BRD7: variants seen among roughly 807,000 people sequenced by gnomAD.
BRD7 encodes the protein bromodomain containing 7.
BRD7 carries 15 observed loss-of-function variants against 82.1 expected under a neutral mutation model. That is an observed-to-expected ratio of 0.18 (90% CI 0.12 to 0.28). The LOEUF (loss-of-function observed/expected upper bound fraction) is 0.28, where lower values mean the gene tolerates loss of function less well. Ranked by LOEUF, BRD7 falls within the 10% of genes least tolerant of loss-of-function variation. The pLI is 1.00. For missense variants in BRD7, 638 were observed against 779.9 expected (o/e 0.82, Z 2.17); for synonymous variants, 232 against 266.9 (o/e 0.87, Z 1.27).
rs1404012919 is a variant in BRD7, at chr16:50,325,937, A to G, written c.1196-54T>C. Reference sequence around the variant, plus strand: ...TATTCTTTAACTTGCATGTCAATCTATTTTGTTTTACCAAAAGATTATTTA... The same window carrying G: ...TATTCTTTAACTTGCATGTCAATCTGTTTTGTTTTACCAAAAGATTATTTA... On this transcript the variant is annotated intron_variant, in intron 10 of 16. Transcript: ENST00000394688. The G allele has an allele frequency of 2.7e-6, 4 of 1,501,126 alleles. No homozygotes were observed. In the Admixed American group the frequency reaches 9.3e-5, roughly 35 times the overall value. The allele number at this position is 1,501,126 out of a possible 1,614,324, so 93.0% of individuals were successfully genotyped here. A position where few individuals can be genotyped will look rare whatever the true frequency, so the allele number is the denominator to read the frequency against.
intron 2 of BRD7, among the ~76,000 whole-genome samples, chr16:50,360,146 C>T (rs1238456847): frequency 1.3e-5 from 2 of 152,176 alleles, no homozygotes; most frequent in African/African-American, 4.8e-5. Flanking sequence ...ACTGGAGCTC[C>T]CTCTGGACAG....
intron 5 of BRD7, among the ~76,000 whole-genome samples, chr16:50,341,967 C>CACACA (rs571195473): frequency 6.7e-6 from 1 of 149,206 alleles, no homozygotes; most frequent in South Asian, 2.1e-4. Context: ...CACACACACA[C>CACACA]ATTTTACTTC....
intron 2 of BRD7, among the ~76,000 whole-genome samples, chr16:50,367,106 G>A (rs959629918): frequency 1.3e-5 from 2 of 152,146 alleles, no homozygotes; most frequent in Non-Finnish European, 1.5e-5. Context: ...AGCTCCTCTT[G>A]TATATATAAA....
At chr16:50,367,507 G>A (rs1042947262) in intron 2 of BRD7, among the ~76,000 whole-genome samples, 10 of 152,148 alleles carry the variant, frequency 6.6e-5, no homozygotes, top group Admixed American at 3.3e-4. Context: ...TACAAGTGTG[G>A]GCTACTGGGC....
At chr16:50,356,252 G>A (rs997794236) in intron 2 of BRD7, among the ~76,000 whole-genome samples, 3 of 152,212 alleles carry the variant, frequency 2.0e-5, no homozygotes, top group Non-Finnish European at 1.5e-5. Context: ...AGCAAAGCTA[G>A]CAAAGCCTTT....
At chr16:50,326,168 CA>C in intron 10 of BRD7, 115 bp downstream of exon 10, 1 of 841,024 alleles carries the variant, frequency 1.2e-6, no homozygotes. Flanking sequence ...ATTAATGTTG[CA>C]AAAATACCAC....
At chr16:50,347,749 T>C (rs990707717) in intron 5 of BRD7, among the ~76,000 whole-genome samples, 1 of 152,036 alleles carries the variant, frequency 6.6e-6, no homozygotes, top group African/African-American at 2.4e-5. Flanking sequence ...CACTGCTCAA[T>C]GAAATAAAAG....
Position 50,320,433 on chromosome 16 carries a change from G to A in BRD7, c.1613-42C>T, listed in dbSNP as rs761103053. On this transcript the variant is annotated intron_variant, in intron 14 of 16. Coordinates refer to ENST00000394688, the MANE Select transcript of BRD7 (RefSeq NM_013263.5). ...CAGACACACTTCTGTTTGATCTTGT[G>A]CAGTAAACCGAATCCTAGGCTCTAG... 9.4e-6 allele frequency: 15 copies of A among 1,597,544 alleles called. No homozygotes were observed. In the African/African-American group the frequency reaches 1.8e-4, roughly 19 times the overall value.
At position 50,316,469 on chromosome 16, in the gene BRD7, G is replaced by A. The variant is rs2036804782; in HGVS notation, c.*2742C>T. ...GTATCTTACTTTTCTTACCAGAAAG[G>A]AATGGAGTCTGTTTAGAGACAACTT... On this transcript the variant is annotated 3_prime_UTR_variant, in exon 17 of 17. Coordinates refer to ENST00000394688, the MANE Select transcript of BRD7 (RefSeq NM_013263.5). 1 of 152,344 alleles carries A rather than the reference G, an allele frequency of 6.6e-6. No individual in the cohort carries two copies. The highest frequency in any genetic ancestry group is 2.4e-5 in the African/African-American group (1 of 41,442). 9.4% of individuals were successfully genotyped at this position (152,344 alleles called of 1,614,324 possible).
Position 50,320,229 on chromosome 16 carries a change from T to TA in BRD7, c.1756+18dup. 1 of 1,605,742 alleles carries TA rather than the reference T, an allele frequency of 6.2e-7. No homozygotes were observed. Among genetic ancestry groups the TA allele is most frequent in the Non-Finnish European group, 8.5e-7 (1 of 1,176,134 alleles). On this transcript the variant is annotated intron_variant, in intron 15 of 16. Coordinates refer to ENST00000394688, the MANE Select transcript of BRD7 (RefSeq NM_013263.5). ...TTGAAGCATCCCGTGACTCTCCTCTTATGGGAGGCAAAACATACCAAGATG... is the reference window on the plus strand; with the variant it reads ...TTGAAGCATCCCGTGACTCTCCTCTTAATGGGAGGCAAAACATACCAAGATG...
At chr16:50,325,174 A>C (rs2037284360) in intron 11 of BRD7, among the ~76,000 whole-genome samples, 1 of 152,234 alleles carries the variant, frequency 6.6e-6, no homozygotes, top group African/African-American at 2.4e-5. Flanking sequence ...GTCAGGATGG[A>C]TCTCATTATG....
At chr16:50,328,620 TC>T in intron 9 of BRD7, 48 bp downstream of exon 9, 1 of 1,535,174 alleles carries the variant, frequency 6.5e-7, no homozygotes, top group African/African-American at 1.4e-5. Flanking sequence ...AGGTTACTGT[TC>T]TCTGCCAAAT....
rs752689258 is a variant in BRD7, at chr16:50,322,055, A to G, written c.1444-17T>C. ...AGGCAATGACTATAAGGATGAAGAA[A>G]AACAGCTTTTTAGGAAAACACATGA... is the stretch of plus-strand genomic sequence containing the variant. On this transcript the variant is annotated splice_polypyrimidine_tract_variant and intron_variant, in intron 12 of 16. Coordinates refer to ENST00000394688, the MANE Select transcript of BRD7 (RefSeq NM_013263.5). The G allele has an allele frequency of 1.3e-6, 2 of 1,584,822 alleles. No individual in the cohort carries two copies. Among genetic ancestry groups the G allele is most frequent in the East Asian group, 2.3e-5 (1 of 43,826 alleles).
In BRD7 at chr16:50,317,626, T is replaced by C. The variant is rs575235975; in HGVS notation, c.*1585A>G. 2 of 152,386 alleles carry C rather than the reference T, an allele frequency of 1.3e-5. No homozygotes were observed. Among genetic ancestry groups the C allele is most frequent in the Non-Finnish European group, 2.9e-5 (2 of 68,048 alleles). The allele number at this position is 152,386 out of a possible 1,614,324, so 9.4% of individuals were successfully genotyped here. A position where few individuals can be genotyped will look rare whatever the true frequency, so the allele number is the denominator to read the frequency against. On this transcript the variant is annotated 3_prime_UTR_variant, in exon 17 of 17. Transcript: ENST00000394688. ...TGTGCTGTGCTCAGATAATAATAGT[T>C]TGTAAGTAAAAGTTTTTAGTTTTCA... is the stretch of plus-strand genomic sequence containing the variant.
intron 8 of BRD7, 34 bp downstream of exon 8, chr16:50,333,540 T>C: frequency 1.9e-6 from 3 of 1,600,098 alleles, no homozygotes; most frequent in Non-Finnish European, 2.6e-6. Flanking sequence ...CCCAAATCAG[T>C]AGGTAGAGAA....
chr16:50,332,179 T>C (rs2037592043), intron 8 of BRD7, among the ~76,000 whole-genome samples: 1 of 152,094 alleles, frequency 6.6e-6, no homozygotes, highest in African/African-American at 2.4e-5. Flanking sequence ...CCAAAGAAAC[T>C]ATCAACAGAG....
At chr16:50,349,435 AAG>A in intron 5 of BRD7, 1 of 380,066 alleles carries the variant, frequency 2.6e-6, no homozygotes, top group Non-Finnish European at 5.2e-6. Context: ...AAAAAAAAAA[AAG>A]AAAGTGTGTA....
chr16:50,363,660 T>TGTGTGTGTGTGTGC (rs138025982), intron 2 of BRD7, among the ~76,000 whole-genome samples: 104 of 102,510 alleles, frequency 1.0e-3, no homozygotes, highest in Non-Finnish European at 2.3e-3. Context: ...TGTGTGTGTG[T>TGTGTGTGTGTGTGC]GCGCGCGCGC....
At chr16:50,349,581 A>T (rs1433276899) in intron 5 of BRD7, 1 of 470,484 alleles carries the variant, frequency 2.1e-6, no homozygotes, top group South Asian at 1.5e-5. Flanking sequence ...CTGTGAGTTA[A>T]TCAAAGCTCT....
Sources: gnomAD v4.1 joint callset for allele counts (sites outside exome capture counted in the v4.1 genomes callset) on GRCh38, gnomAD v4.1.1 for gene constraint, MANE v1.5 for transcripts, NCBI Gene and HGNC (gene_info 2026-07-23, HGNC 2026-07-21) for gene names.